The following RIMKLA variants were observed in gnomAD, a reference collection of about 807,000 sequenced individuals.
RIMKLA encodes N-acetylaspartylglutamate synthase A.
RIMKLA carries 14 observed loss-of-function variants against 32.7 expected under a neutral mutation model. The observed-to-expected ratio is 0.43, with a 90% confidence interval of 0.28 to 0.67. The LOEUF is 0.67. Among genes scored for constraint, RIMKLA ranks in the 30% least tolerant of loss-of-function variants. The pLI, the probability that RIMKLA is intolerant of heterozygous loss-of-function variation, is 0.18. For missense variants in RIMKLA, 410 were observed against 519.0 expected (o/e 0.79, Z 2.04); for synonymous variants, 176 against 204.1 (o/e 0.86, Z 1.18).
Position 42,380,944 on chromosome 1 carries a change from C to G in RIMKLA, c.10C>G (p.Gln4Glu). The G allele has an allele frequency of 7.0e-7, 1 of 1,437,718 alleles. No homozygotes were observed. Among genetic ancestry groups the G allele is most frequent in the Non-Finnish European group, 9.1e-7 (1 of 1,095,302 alleles). The allele number at this position is 1,437,718 out of a possible 1,614,324, so 89.1% of individuals were successfully genotyped here. Residue 4 changes from glutamine to glutamate, a missense_variant, in exon 1 of 5, where the codon CAG (glutamine) becomes GAG (glutamate). Coordinates refer to ENST00000431473, the MANE Select transcript of RIMKLA (RefSeq NM_173642.4). MCS[Q>E]LWFLTDRRIR... is the part of the protein sequence containing the mutation. ...CACCGCCCTGGCCGCCATGTGCTCC[C>G]AGCTCTGGTTCCTGACGGACCGGCG...
At chr1:42,385,808 T>TTCCTTCC (rs1642934309) in intron 1 of RIMKLA, among the ~76,000 whole-genome samples, 5 of 75,982 alleles carry the variant, frequency 6.6e-5, no homozygotes, top group Admixed American at 1.3e-4. Context: ...TCTCTCTCTC[T>TTCCTTCC]TTCCTTCCTT....
chr1:42,406,356 C>G (rs979132646), intron 3 of RIMKLA, among the ~76,000 whole-genome samples: 2 of 152,174 alleles, frequency 1.3e-5, no homozygotes, highest in Non-Finnish European at 2.9e-5. Context: ...AGCCTCATAC[C>G]TAGTAGTAGT....
intron 2 of RIMKLA, among the ~76,000 whole-genome samples, chr1:42,402,591 C>CTTT (rs34477169): frequency 2.1e-5 from 3 of 142,706 alleles, no homozygotes; most frequent in African/African-American, 5.2e-5. Flanking sequence ...ACCTGGCTAA[C>CTTT]TTTTTTTTTT....
In RIMKLA at chr1:42,414,585, A is replaced by T. The variant is rs765619404; in HGVS notation, c.787A>T (p.Ile263Phe). Residue 263 changes from isoleucine to phenylalanine, a missense_variant, in exon 5 of 5, where the codon ATC (isoleucine) becomes TTC (phenylalanine). Ile to Phe is a conservative substitution (Grantham distance 21, BLOSUM62 0). Coordinates refer to ENST00000431473, the MANE Select transcript of RIMKLA (RefSeq NM_173642.4). The stretch of plus-strand genomic sequence containing the variant: ...GGACTTCTGTGGCATTGATCTCCTT[A>T]TCATGGACGATGGCTCCTTTGTGGT... ...GMDFCGIDLL[I>F]MDDGSFVVCE... is the part of the protein sequence containing the mutation. 1 of 1,614,092 alleles carries T rather than the reference A, an allele frequency of 6.2e-7. No homozygotes were observed. The highest frequency in any genetic ancestry group is 2.2e-5 in the East Asian group (1 of 44,898).
Position 42,416,144 on chromosome 1 carries a change from G to C in RIMKLA, c.*1170G>C, listed in dbSNP as rs2148397826. Reference sequence around the variant, plus strand: ...AGTGCTTTTCATTTTAATTCTCTAAGCAGTAGATGAGATCTTTCCCTTGGG... The same window carrying C: ...AGTGCTTTTCATTTTAATTCTCTAACCAGTAGATGAGATCTTTCCCTTGGG... On this transcript the variant is annotated 3_prime_UTR_variant, in exon 5 of 5. Coordinates refer to ENST00000431473, the MANE Select transcript of RIMKLA (RefSeq NM_173642.4). 1 of 146,706 alleles carries C rather than the reference G, an allele frequency of 6.8e-6. No homozygotes were observed. Among genetic ancestry groups the C allele is most frequent in the East Asian group, 2.0e-4 (1 of 5,084 alleles). 9.1% of individuals were successfully genotyped at this position (146,706 alleles called of 1,614,324 possible).
chr1:42,410,315 ACT>A (rs1643186403), intron 4 of RIMKLA, 128 bp downstream of exon 4: 2 of 755,940 alleles, frequency 2.6e-6, no homozygotes, highest in Non-Finnish European at 4.3e-6. Context: ...TGAGGAACAA[ACT>A]CTTTCCTATG....
intron 3 of RIMKLA, among the ~76,000 whole-genome samples, chr1:42,408,684 G>T (rs1174879589): frequency 1.3e-5 from 2 of 151,988 alleles, no homozygotes; most frequent in Non-Finnish European, 2.9e-5. Context: ...GCCTCCCAAA[G>T]TGCTAGGATG....
At chr1:42,394,123 C>CTG (rs537305394) in intron 1 of RIMKLA, among the ~76,000 whole-genome samples, 63 of 152,338 alleles carry the variant, frequency 4.1e-4, no homozygotes, top group African/African-American at 1.5e-3. Context: ...TTTCTGGTAA[C>CTG]TTTCAGAGTT....
chr1:42,392,772 AC>A (rs1643010992), intron 1 of RIMKLA, among the ~76,000 whole-genome samples: 1 of 152,174 alleles, frequency 6.6e-6, no homozygotes, highest in African/African-American at 2.4e-5. Flanking sequence ...CAGACAGATC[AC>A]CTGAGCTCAG....
At chr1:42,404,061 T>TAAGTCTCTAAA (rs768999716) in intron 2 of RIMKLA, among the ~76,000 whole-genome samples, 154 of 152,310 alleles carry the variant, frequency 1.0e-3, no homozygotes, top group Non-Finnish European at 1.2e-3. Flanking sequence ...GAGACTCATC[T>TAAGTCTCTAAA]GATTAGGTCA....
At chr1:42,396,141 C>T (rs1194015261) in intron 1 of RIMKLA, among the ~76,000 whole-genome samples, 1 of 141,532 alleles carries the variant, frequency 7.1e-6, no homozygotes, top group Non-Finnish European at 1.5e-5. Flanking sequence ...GAGGCTGAGG[C>T]AGGAGAATCA....
intron 4 of RIMKLA, among the ~76,000 whole-genome samples, chr1:42,413,998 C>G (rs1201203786): frequency 6.6e-6 from 1 of 151,598 alleles, no homozygotes; most frequent in African/African-American, 2.4e-5. Context: ...TCAAGCAATC[C>G]TCTCACGTCA....
intron 1 of RIMKLA, among the ~76,000 whole-genome samples, chr1:42,387,940 C>T (rs187907380): frequency 9.2e-5 from 14 of 152,016 alleles, no homozygotes; most frequent in South Asian, 2.1e-4. Context: ...ATGGGGTGGC[C>T]GGAGTGGTCC....
rs549094073 is a variant in RIMKLA, at chr1:42,383,415, G to A, written c.163+2318G>A. Among the ~76,000 whole-genome samples, 7 of 152,312 alleles carry A rather than the reference G, an allele frequency of 4.6e-5. No individual in the cohort carries two copies. In the South Asian group the frequency reaches 1.2e-3, roughly 27 times the overall value. ...GAGTCCCAGGAGAATGACCTTGTTGGCTTTGTTCAGTGCTATAATAGTGGC... is the reference window on the plus strand; with the variant it reads ...GAGTCCCAGGAGAATGACCTTGTTGACTTTGTTCAGTGCTATAATAGTGGC... On this transcript the variant is annotated intron_variant, in intron 1 of 4. Coordinates refer to ENST00000431473, the MANE Select transcript of RIMKLA (RefSeq NM_173642.4).
At chr1:42,382,470 G>T (rs1051255464) in intron 1 of RIMKLA, among the ~76,000 whole-genome samples, 2 of 152,128 alleles carry the variant, frequency 1.3e-5, no homozygotes, top group South Asian at 2.1e-4. Flanking sequence ...AGGGGTTAAG[G>T]TTCCTCTCAC....
At chr1:42,384,381 G>A (rs12090345) in intron 1 of RIMKLA, among the ~76,000 whole-genome samples, 2,374 of 151,512 alleles carry the variant, frequency 0.016, 66 homozygotes, top group African/African-American at 0.056. Context: ...TTCTTCATTC[G>A]TTTCATAAAT....
rs1183135437 is a variant in RIMKLA, at chr1:42,420,386, C to T, written c.*5412C>T. On this transcript the variant is annotated 3_prime_UTR_variant, in exon 5 of 5. Coordinates refer to ENST00000431473, the MANE Select transcript of RIMKLA (RefSeq NM_173642.4). ...GGCAGATGCTACAACAGTGCAGACT[C>T]GGCACCCCATTTATAGAATGTTCTT... The T allele has an allele frequency of 2.6e-5, 4 of 152,150 alleles. No homozygotes were observed. The highest frequency in any genetic ancestry group is 5.9e-5 in the Non-Finnish European group (4 of 68,036). 9.4% of individuals were successfully genotyped at this position (152,150 alleles called of 1,614,324 possible). A position where few individuals can be genotyped will look rare whatever the true frequency, so the allele number is the denominator to read the frequency against.
At chr1:42,412,474 C>T (rs948948809) in intron 4 of RIMKLA, 8 of 341,462 alleles carry the variant, frequency 2.3e-5, no homozygotes, top group South Asian at 1.0e-4. Context: ...GGCCATGATG[C>T]CAGCTGAGGT....
chr1:42,382,179 C>T (rs1642895231), intron 1 of RIMKLA, among the ~76,000 whole-genome samples: 2 of 152,072 alleles, frequency 1.3e-5, no homozygotes, highest in African/African-American at 4.8e-5. Context: ...TATCGAAGTC[C>T]CTCATACTTA....
Sources: gnomAD v4.1 joint callset for allele counts (sites outside exome capture counted in the v4.1 genomes callset) on GRCh38, gnomAD v4.1.1 for gene constraint, MANE v1.5 for transcripts, NCBI Gene and HGNC (gene_info 2026-07-23, HGNC 2026-07-21) for gene names.